The following AP1AR variants were observed in gnomAD, a reference collection of about 807,000 sequenced individuals.
AP1AR encodes the protein adaptor related protein complex 1 associated regulatory protein.
In AP1AR, 29 loss-of-function variants were observed where a neutral mutation model predicts 46.3. The ratio of observed to expected loss-of-function variants is 0.63; its 90% confidence interval spans 0.47 to 0.85. AP1AR has a LOEUF of 0.85. Ranked by LOEUF, AP1AR falls within the 40% of genes least tolerant of loss-of-function variation. The pLI is 0.00. For missense variants in AP1AR, 357 were observed against 356.3 expected (o/e 1.00, Z -0.02); for synonymous variants, 122 against 122.9 (o/e 0.99, Z 0.05).
Position 112,255,267 on chromosome 4 carries a change from A to AT in AP1AR, c.159+501dup, listed in dbSNP as rs565927972. 3.8e-3 allele frequency among the ~76,000 whole-genome samples: 446 copies of AT among 118,804 alleles called. 1 individual carries two copies. The highest frequency in any genetic ancestry group is 6.0e-3 in the Non-Finnish European group (352 of 58,442). 77.9% of individuals were successfully genotyped at this position (118,804 alleles called of 152,430 possible). A position where few individuals can be genotyped will look rare whatever the true frequency, so the allele number is the denominator to read the frequency against. On this transcript the variant is annotated intron_variant, in intron 3 of 9. Coordinates refer to ENST00000274000, the MANE Select transcript of AP1AR (RefSeq NM_018569.6). ...AGCCACCGCGCCCAGCCAATTCCGA[A>AT]TTTTTTTACTATCTAAGATACACTA...
chr4:112,255,940 C>T (rs906537306), intron 3 of AP1AR, among the ~76,000 whole-genome samples: 4 of 152,212 alleles, frequency 2.6e-5, no homozygotes, highest in African/African-American at 9.7e-5. Flanking sequence ...CTACTTTCTA[C>T]ATCTTTAAAA....
rs114512134 is a variant in AP1AR at position 112,272,603 on chromosome 4, G to C, written c.*4194G>C. 2.4e-3 allele frequency among the ~76,000 whole-genome samples: 358 copies of C among 152,286 alleles called. 2 individuals are homozygous for C. The highest frequency in any genetic ancestry group is 8.3e-3 in the African/African-American group (344 of 41,560). On this transcript the variant is annotated 3_prime_UTR_variant, in exon 10 of 10. Coordinates refer to ENST00000274000, the MANE Select transcript of AP1AR (RefSeq NM_018569.6). Reference sequence around the variant, plus strand: ...AAAATAGGAAATAATAAATCTCTAAGAGCCCTAAGACAAAGGTCAAGCTGG... The same window carrying C: ...AAAATAGGAAATAATAAATCTCTAACAGCCCTAAGACAAAGGTCAAGCTGG...
chr4:112,232,835 G>A (rs1725074609), intron 1 of AP1AR, among the ~76,000 whole-genome samples: 2 of 152,166 alleles, frequency 1.3e-5, no homozygotes, highest in African/African-American at 4.8e-5. Flanking sequence ...CTACTCAAAC[G>A]TCCTGTAACA....
chr4:112,238,999 C>T (rs1725368647), intron 1 of AP1AR, among the ~76,000 whole-genome samples: 1 of 152,174 alleles, frequency 6.6e-6, no homozygotes, highest in Non-Finnish European at 1.5e-5. Flanking sequence ...CAAGTTCTTT[C>T]CTGTTACTCA....
intron 4 of AP1AR, 87 bp downstream of exon 4, chr4:112,257,884 G>T: frequency 2.5e-6 from 3 of 1,181,024 alleles, no homozygotes; most frequent in East Asian, 2.7e-5. Context: ...TCATTTGCTT[G>T]CTTTGAGACA....
chr4:112,251,886 TA>T (rs1333311902), intron 1 of AP1AR, among the ~76,000 whole-genome samples: 2 of 152,240 alleles, frequency 1.3e-5, no homozygotes, highest in Non-Finnish European at 2.9e-5. Context: ...ATAAAGATTA[TA>T]GCAGGAAAAA....
In AP1AR at chr4:112,231,943, C is replaced by G. The variant is rs960220894; in HGVS notation, c.-149C>G. 3 of 594,514 alleles carry G rather than the reference C, an allele frequency of 5.0e-6. No individual in the cohort carries two copies. In the African/African-American group the frequency reaches 5.8e-5, roughly 11 times the overall value. The allele number at this position is 594,514 out of a possible 1,614,324, so 36.8% of individuals were successfully genotyped here. ...CCCTAGCGCCTCGTCTTTCGTCGCC[C>G]CGTGCCCTCACGCCGCCGGGCTCTG... On this transcript the variant is annotated 5_prime_UTR_variant, in exon 1 of 10. Coordinates refer to ENST00000274000, the MANE Select transcript of AP1AR (RefSeq NM_018569.6).
intron 1 of AP1AR, among the ~76,000 whole-genome samples, chr4:112,235,139 T>C (rs1180949937): frequency 6.6e-6 from 1 of 152,230 alleles, no homozygotes; most frequent in Admixed American, 6.5e-5. Flanking sequence ...GGAATAAAAC[T>C]TAGGCATCCT....
intron 1 of AP1AR, among the ~76,000 whole-genome samples, chr4:112,248,937 C>T (rs143880825): frequency 2.9e-3 from 443 of 152,302 alleles, no homozygotes; most frequent in African/African-American, 9.7e-3. Context: ...TTCCTCATTT[C>T]CTTGGGGTCT....
intron 1 of AP1AR, among the ~76,000 whole-genome samples, chr4:112,235,672 A>G (rs533081195): frequency 6.6e-6 from 1 of 152,332 alleles, no homozygotes; most frequent in South Asian, 2.1e-4. Flanking sequence ...AACTTTCCCA[A>G]GATAGCAGAG....
chr4:112,268,050 A>C, intron 9 of AP1AR, 94 bp from the exon 10 acceptor site: 1 of 1,262,052 alleles, frequency 7.9e-7, no homozygotes, highest in South Asian at 1.7e-5. Context: ...CAAGTCTGAT[A>C]GTTAAATAAA....
chr4:112,250,445 A>C (rs1371425144), intron 1 of AP1AR, among the ~76,000 whole-genome samples: 1 of 152,204 alleles, frequency 6.6e-6, no homozygotes, highest in Non-Finnish European at 1.5e-5. Flanking sequence ...AAGTATGTGA[A>C]AAGTTATGGT....
intron 2 of AP1AR, 124 bp downstream of exon 2, chr4:112,253,380 T>C (rs956683348): frequency 1.4e-6 from 1 of 708,400 alleles, no homozygotes; most frequent in African/African-American, 1.8e-5. Context: ...TCAATATTAT[T>C]CATGTTAGTG....
intron 6 of AP1AR, among the ~76,000 whole-genome samples, chr4:112,264,000 A>G (rs1442328818): frequency 6.6e-6 from 1 of 152,162 alleles, no homozygotes; most frequent in Non-Finnish European, 1.5e-5. Flanking sequence ...AACTTAGAGA[A>G]ACTGAAATAT....
chr4:112,273,078 C>CAACAAT lies in AP1AR; in HGVS notation c.*4678_*4683dup, dbSNP rs1033702918. 6.6e-6 allele frequency: 1 copy of CAACAAT among 151,794 alleles called. No homozygotes were observed. The highest frequency in any genetic ancestry group is 2.4e-5 in the African/African-American group (1 of 41,304). 9.4% of individuals were successfully genotyped at this position (151,794 alleles called of 1,614,324 possible). On this transcript the variant is annotated 3_prime_UTR_variant, in exon 10 of 10. Transcript: ENST00000274000. ...TGAAATCCTAAATGTAAAACAACAA[C>CAACAAT]AACAATAACAATAAAAATGGAGAGA...
chr4:112,232,395 C>T (rs1004901256), intron 1 of AP1AR, among the ~76,000 whole-genome samples: 4 of 152,190 alleles, frequency 2.6e-5, no homozygotes, highest in Admixed American at 2.6e-4. Flanking sequence ...GCGGGGTGTC[C>T]CTCCTGCCAG....
At chr4:112,252,583 A>G (rs1201768371) in intron 1 of AP1AR, among the ~76,000 whole-genome samples, 1 of 152,278 alleles carries the variant, frequency 6.6e-6, no homozygotes, top group East Asian at 1.9e-4. Context: ...TATAAGTTTA[A>G]TAGGAGCAGG....
intron 3 of AP1AR, among the ~76,000 whole-genome samples, chr4:112,256,096 G>A (rs1726189346): frequency 6.6e-6 from 1 of 152,108 alleles, no homozygotes. Flanking sequence ...GTCTCAGAGT[G>A]TAAATTAGCA....
At chr4:112,249,277 G>C (rs945837827) in intron 1 of AP1AR, among the ~76,000 whole-genome samples, 3 of 149,308 alleles carry the variant, frequency 2.0e-5, no homozygotes, top group African/African-American at 7.4e-5. Context: ...GGCAACAAGA[G>C]CAAAACTCTG....
Sources: gnomAD v4.1 joint callset for allele counts (sites outside exome capture counted in the v4.1 genomes callset) on GRCh38, gnomAD v4.1.1 for gene constraint, MANE v1.5 for transcripts, NCBI Gene and HGNC (gene_info 2026-07-23, HGNC 2026-07-21) for gene names.